Variants in CSRNP3 observed in about 807,000 individuals in gnomAD.
CSRNP3 encodes cysteine and serine rich nuclear protein 3.
CSRNP3 carries 12 observed loss-of-function variants against 48.0 expected under a neutral mutation model. The observed-to-expected ratio is 0.25, with a 90% CI of 0.16 to 0.41. CSRNP3 has a LOEUF of 0.41. Ranked by LOEUF, CSRNP3 falls within the 10% of genes least tolerant of loss-of-function variation. CSRNP3 has a pLI of 1.00. For synonymous variants in CSRNP3, 263 were observed against 269.7 expected (o/e 0.98, Z 0.24); for missense variants, 580 against 724.4 (o/e 0.80, Z 2.29).
chr2:165,538,574 A>G (rs1266650901), intron 3 of CSRNP3, among the ~76,000 whole-genome samples: 3 of 151,894 alleles, frequency 2.0e-5, no homozygotes, highest in Non-Finnish European at 2.9e-5. Context: ...TGAAAGAGCC[A>G]TTGTGTGGAA....
chr2:165,549,386 C>G (rs541568427), intron 3 of CSRNP3, among the ~76,000 whole-genome samples: 1 of 151,798 alleles, frequency 6.6e-6, no homozygotes, highest in Non-Finnish European at 1.5e-5. Context: ...AAGTTTATAC[C>G]TCTAGTCAGT....
chr2:165,575,807 T>C (rs1195638247), intron 3 of CSRNP3, among the ~76,000 whole-genome samples: 1 of 151,986 alleles, frequency 6.6e-6, no homozygotes, highest in African/African-American at 2.4e-5. Flanking sequence ...TATCACTCTA[T>C]GGGGACATTA....
chr2:165,528,784 T>A (rs1451962262), intron 3 of CSRNP3, among the ~76,000 whole-genome samples: 1 of 152,152 alleles, frequency 6.6e-6, no homozygotes, highest in African/African-American at 2.4e-5. Flanking sequence ...TCATCTGGAG[T>A]GGCCGCTGCT....
At chr2:165,551,033 TATC>T (rs1283820120) in intron 3 of CSRNP3, among the ~76,000 whole-genome samples, 1 of 152,176 alleles carries the variant, frequency 6.6e-6, no homozygotes, top group Non-Finnish European at 1.5e-5. Flanking sequence ...TACCTTTTTC[TATC>T]ATCTGCCTCC....
At position 165,683,493 on chromosome 2, in the gene CSRNP3, GT is replaced by G. The variant is rs1687579848; in HGVS notation, c.*3741del. 6.6e-6 allele frequency: 1 copy of G among 151,958 alleles called. No individual in the cohort carries two copies. The highest frequency in any genetic ancestry group is 1.5e-5 in the Non-Finnish European group (1 of 67,948). The allele number at this position is 151,958 out of a possible 1,614,324, so 9.4% of individuals were successfully genotyped here. ...TAGATGACTTCTAGGCAAAATTTTG[GT>G]ATGATTACCATTAAACAGGAAAACA... On this transcript the variant is annotated 3_prime_UTR_variant, in exon 7 of 7. Coordinates refer to ENST00000651982, the MANE Select transcript of CSRNP3 (RefSeq NM_001172173.2).
intron 4 of CSRNP3, among the ~76,000 whole-genome samples, chr2:165,617,192 C>T (rs956243360): frequency 7.2e-5 from 11 of 152,078 alleles, no homozygotes; most frequent in African/African-American, 1.9e-4. Context: ...TGGAGAATTA[C>T]GGTTTTCGTT....
intron 3 of CSRNP3, among the ~76,000 whole-genome samples, chr2:165,527,097 T>C (rs1179235410): frequency 2.0e-5 from 3 of 152,084 alleles, no homozygotes; most frequent in Non-Finnish European, 4.4e-5. Context: ...TAAATAAAGG[T>C]GTTTTCACAG....
chr2:165,668,245 C>T (rs1573958363), intron 5 of CSRNP3, among the ~76,000 whole-genome samples: 1 of 152,086 alleles, frequency 6.6e-6, no homozygotes, highest in Non-Finnish European at 1.5e-5. Context: ...TATCTGATGT[C>T]CTCTCCATTA....
chr2:165,591,017 G>T (rs1054365377), intron 3 of CSRNP3, among the ~76,000 whole-genome samples: 1 of 150,272 alleles, frequency 6.7e-6, no homozygotes, highest in African/African-American at 2.5e-5. Context: ...AGGAAAATGT[G>T]AGAAAGTTTA....
At chr2:165,569,377 A>T (rs1045769503) in intron 3 of CSRNP3, among the ~76,000 whole-genome samples, 1 of 152,214 alleles carries the variant, frequency 6.6e-6, no homozygotes, top group East Asian at 1.9e-4. Flanking sequence ...TCGTCCAGTT[A>T]ACATAAGCTC....
intron 3 of CSRNP3, among the ~76,000 whole-genome samples, chr2:165,548,603 T>A (rs1338430552): frequency 6.6e-6 from 1 of 152,084 alleles, no homozygotes; most frequent in Non-Finnish European, 1.5e-5. Context: ...AAGTGTTGTG[T>A]ATAACATAAA....
At chr2:165,613,976 A>C (rs1392422235) in intron 4 of CSRNP3, among the ~76,000 whole-genome samples, 1 of 151,868 alleles carries the variant, frequency 6.6e-6, no homozygotes. Flanking sequence ...TAGATTTGTA[A>C]ATTGCTTTGA....
At chr2:165,660,309 T>G (rs1430873031) in intron 5 of CSRNP3, among the ~76,000 whole-genome samples, 1 of 152,232 alleles carries the variant, frequency 6.6e-6, no homozygotes, top group African/African-American at 2.4e-5. Flanking sequence ...AGGTAAATTA[T>G]TAGAACATGT....
chr2:165,625,913 C>CAA lies in CSRNP3; in HGVS notation c.148+30712_148+30713dup, dbSNP rs71028496. ...ACCACTGCACTCCAAAACTCCATCT[C>CAA]AAAAAAAAAAAAAGAAAAGAAAAAA... On this transcript the variant is annotated intron_variant, in intron 4 of 6. Coordinates refer to ENST00000651982, the MANE Select transcript of CSRNP3 (RefSeq NM_001172173.2). 6.2e-3 allele frequency among the ~76,000 whole-genome samples: 758 copies of CAA among 123,244 alleles called. 8 individuals carry two copies. The highest frequency in any genetic ancestry group is 0.02 in the African/African-American group (617 of 31,550). 80.9% of individuals were successfully genotyped at this position (123,244 alleles called of 152,430 possible). A position where few individuals can be genotyped will look rare whatever the true frequency, so the allele number is the denominator to read the frequency against.
At chr2:165,496,904 T>C (rs1482784745) in intron 2 of CSRNP3, among the ~76,000 whole-genome samples, 2 of 152,008 alleles carry the variant, frequency 1.3e-5, no homozygotes, top group Admixed American at 6.6e-5. Context: ...AAGACACTTA[T>C]TGATTTCTAT....
intron 3 of CSRNP3, among the ~76,000 whole-genome samples, chr2:165,542,102 C>T (rs980638316): frequency 1.3e-5 from 2 of 152,120 alleles, no homozygotes; most frequent in African/African-American, 4.8e-5. Flanking sequence ...TGTGCATTGA[C>T]TTCCAGAACT....
rs1213551657 is a variant in CSRNP3, at chr2:165,681,826, T to TGC, written c.*2074_*2075insCG. 6 of 142,510 alleles carry TGC rather than the reference T, an allele frequency of 4.2e-5. No homozygotes were observed. Among genetic ancestry groups the TGC allele is most frequent in the African/African-American group, 1.6e-4 (6 of 38,654 alleles). 8.8% of individuals were successfully genotyped at this position (142,510 alleles called of 1,614,324 possible). A position where few individuals can be genotyped will look rare whatever the true frequency, so the allele number is the denominator to read the frequency against. ...GTATGTGTGTGTGTGTGTGTGTGTG[T>TGC]GTGTATATATATATATCCCATGTTG... is the stretch of plus-strand genomic sequence containing the variant. On this transcript the variant is annotated 3_prime_UTR_variant, in exon 7 of 7. Coordinates refer to ENST00000651982, the MANE Select transcript of CSRNP3 (RefSeq NM_001172173.2).
intron 2 of CSRNP3, among the ~76,000 whole-genome samples, chr2:165,510,698 C>G (rs1684489520): frequency 6.6e-6 from 1 of 152,114 alleles, no homozygotes; most frequent in Non-Finnish European, 1.5e-5. Flanking sequence ...TGTCTTCTGT[C>G]CTTTGTTCCT....
intron 3 of CSRNP3, among the ~76,000 whole-genome samples, chr2:165,540,768 A>G (rs1039760338): frequency 4.6e-5 from 7 of 152,056 alleles, no homozygotes; most frequent in Non-Finnish European, 1.0e-4. Context: ...TCTGGGTTCT[A>G]GTGACCTAGA....
Sources: gnomAD v4.1 joint callset for allele counts (sites outside exome capture counted in the v4.1 genomes callset) on GRCh38, gnomAD v4.1.1 for gene constraint, MANE v1.5 for transcripts, NCBI Gene and HGNC (gene_info 2026-07-23, HGNC 2026-07-21) for gene names.